Variants in FRMD3 observed in about 807,000 individuals in gnomAD.
The protein encoded by FRMD3 is FERM domain containing 3.
Under a neutral mutation model 70.2 loss-of-function variants are expected in FRMD3, and 33 were observed. That is an observed-to-expected ratio of 0.47 (90% CI 0.36 to 0.63). The LOEUF is 0.63. FRMD3 is among the 20% of genes least tolerant of loss of function. The pLI, the probability that FRMD3 is intolerant of heterozygous loss-of-function variation, is 0.00. For synonymous variants in FRMD3, 279 were observed against 255.9 expected (o/e 1.09, Z -0.86); for missense variants, 632 against 711.4 (o/e 0.89, Z 1.27).
At chr9:83,360,732 T>C (rs1824555497) in intron 3 of FRMD3, among the ~76,000 whole-genome samples, 1 of 152,218 alleles carries the variant, frequency 6.6e-6, no homozygotes, top group South Asian at 2.1e-4. Flanking sequence ...ATCAAAATGA[T>C]GTCAGTGTTG....
At chr9:83,470,667 G>A (rs1436111948) in intron 1 of FRMD3, among the ~76,000 whole-genome samples, 1 of 152,322 alleles carries the variant, frequency 6.6e-6, no homozygotes, top group Non-Finnish European at 1.5e-5. Context: ...GAAGGGTCCC[G>A]ATCAGAAGGT....
intron 6 of FRMD3, among the ~76,000 whole-genome samples, chr9:83,321,710 C>T (rs78986218): frequency 0.012 from 1,871 of 152,208 alleles, 52 homozygotes; most frequent in African/African-American, 0.042. Flanking sequence ...TAAAGTCCAA[C>T]TTCAGTTCAA....
upstream of FRMD3, among the ~76,000 whole-genome samples, chr9:83,543,515 G>A (rs946075856): frequency 5.3e-5 from 8 of 152,134 alleles, no homozygotes; most frequent in Non-Finnish European, 8.8e-5. Context: ...CACTGGGTGT[G>A]CACCCATTTT....
At chr9:83,511,945 G>C (rs7043391) in intron 1 of FRMD3, among the ~76,000 whole-genome samples, 59,050 of 151,886 alleles carry the variant, frequency 0.39, 11,970 homozygotes, top group Middle Eastern at 0.45. Flanking sequence ...TGACGGCTTA[G>C]ATTGACATCT....
chr9:83,338,327 G>A (rs1360130473), intron 5 of FRMD3, among the ~76,000 whole-genome samples: 1 of 152,158 alleles, frequency 6.6e-6, no homozygotes, highest in Non-Finnish European at 1.5e-5. Context: ...GAGCAAGGTG[G>A]GAGTTTTTAG....
intron 13 of FRMD3, among the ~76,000 whole-genome samples, chr9:83,271,697 C>T (rs1380124017): frequency 6.6e-6 from 1 of 152,178 alleles, no homozygotes; most frequent in African/African-American, 2.4e-5. Context: ...AGACACTGTT[C>T]CTCTTATGAT....
At chr9:83,357,254 T>A (rs1221661726) in intron 3 of FRMD3, among the ~76,000 whole-genome samples, 1 of 30,308 alleles carries the variant, frequency 3.3e-5, no homozygotes, top group African/African-American at 3.0e-4. Flanking sequence ...TACATATATA[T>A]ATATATATAT....
intron 1 of FRMD3, among the ~76,000 whole-genome samples, chr9:83,534,816 T>A (rs145611686): frequency 9.2e-5 from 14 of 152,348 alleles, no homozygotes; most frequent in Non-Finnish European, 2.1e-4. Context: ...AGCTCTGAGA[T>A]GCCAGCCTCC....
rs553278728 is a variant in FRMD3, at chr9:83,449,919, G to A, written c.148-60211C>T. 5.3e-5 allele frequency among the ~76,000 whole-genome samples: 8 copies of A among 152,326 alleles called. No homozygotes were observed. The South Asian group carries it at 1.7e-3, about 32-fold the overall frequency. On this transcript the variant is annotated intron_variant, in intron 1 of 13. Transcript: ENST00000304195. ...TACTCTCATGTTGATCCAGCTGTTC[G>A]ATTAAGAGAGTGCACTTGAAGCACT...
intron 1 of FRMD3, among the ~76,000 whole-genome samples, chr9:83,485,047 A>G (rs1564099432): frequency 6.6e-6 from 1 of 152,236 alleles, no homozygotes; most frequent in African/African-American, 2.4e-5. Flanking sequence ...AGAGAAACAA[A>G]TATTGATGAT....
intron 1 of FRMD3, among the ~76,000 whole-genome samples, chr9:83,500,349 C>T (rs1398467897): frequency 1.4e-5 from 2 of 139,842 alleles, no homozygotes; most frequent in African/African-American, 5.0e-5. Flanking sequence ...ACCCTCTGTA[C>T]TCTCCATATA....
intron 1 of FRMD3, among the ~76,000 whole-genome samples, chr9:83,494,862 C>CAT (rs1564103859): frequency 3.7e-5 from 5 of 133,894 alleles, no homozygotes; most frequent in African/African-American, 1.3e-4. Context: ...TGTGTGTGCG[C>CAT]GCGCGCATGT....
intron 1 of FRMD3, among the ~76,000 whole-genome samples, chr9:83,446,005 T>G (rs570206545): frequency 6.6e-6 from 1 of 152,218 alleles, no homozygotes; most frequent in East Asian, 1.9e-4. Context: ...GTTTCTGTTA[T>G]TCTCCTTACT....
At chr9:83,511,278 G>A (rs1829333158) in intron 1 of FRMD3, among the ~76,000 whole-genome samples, 1 of 152,172 alleles carries the variant, frequency 6.6e-6, no homozygotes, top group Non-Finnish European at 1.5e-5. Flanking sequence ...CACAATAATA[G>A]GTTCTGTTGA....
intron 1 of FRMD3, among the ~76,000 whole-genome samples, chr9:83,461,941 A>T (rs1827988082): frequency 6.6e-6 from 1 of 151,444 alleles, no homozygotes; most frequent in Non-Finnish European, 1.5e-5. Context: ...ACCACCTCAG[A>T]CTCCCAAAGT....
rs76732333 is a variant in FRMD3, at chr9:83,317,427, G to C, written c.597-3680C>G. Among the ~76,000 whole-genome samples the C allele has an allele frequency of 8.6e-3, 1,314 of 152,122 alleles. 18 individuals carry two copies. The highest frequency in any genetic ancestry group is 0.03 in the African/African-American group (1,234 of 41,482). Reference sequence around the variant, plus strand: ...AGCCTTGGGCAATCAGCTTTGCTCGGGGTGATCCTCCCAGTTTACTTGAAA... The same window carrying C: ...AGCCTTGGGCAATCAGCTTTGCTCGCGGTGATCCTCCCAGTTTACTTGAAA... On this transcript the variant is annotated intron_variant, in intron 6 of 13. Transcript: ENST00000304195.
At chr9:83,312,343 C>T (rs115433041) in intron 7 of FRMD3, among the ~76,000 whole-genome samples, 8 of 152,306 alleles carry the variant, frequency 5.3e-5, no homozygotes, top group African/African-American at 1.4e-4. Flanking sequence ...AGCACTCTAA[C>T]GTGATGAAAC....
the FRMD3 span, among the ~76,000 whole-genome samples, chr9:83,561,904 A>C: frequency 6.6e-6 from 1 of 152,172 alleles, no homozygotes; most frequent in African/African-American, 2.4e-5. Flanking sequence ...GCACTCTCTA[A>C]GCTGCACCAC....
At chr9:83,515,998 C>T (rs1191439648) in intron 1 of FRMD3, among the ~76,000 whole-genome samples, 1 of 152,130 alleles carries the variant, frequency 6.6e-6, no homozygotes, top group African/African-American at 2.4e-5. Context: ...AAAACCGATA[C>T]CAGCCACTAC....
Sources: allele counts gnomAD v4.1 joint callset (sites outside exome capture counted in the v4.1 genomes callset), GRCh38; gene constraint gnomAD v4.1.1; transcripts MANE v1.5; gene names NCBI Gene and HGNC (gene_info 2026-07-23, HGNC 2026-07-21).